The following KRABD3 variants were observed in gnomAD, a reference collection of about 807,000 sequenced individuals.
KRABD3 encodes the protein KRAB domain-containing protein 3.
the KRABD3 span, among the ~76,000 whole-genome samples, chr7:149,718,449 T>C: frequency 1.6e-4 from 25 of 152,136 alleles, no homozygotes; most frequent in African/African-American, 6.0e-4. Flanking sequence ...TAATTTTAAA[T>C]TCAAGCCTAT....
At chr7:149,720,413 C>G in the KRABD3 span, among the ~76,000 whole-genome samples, 1 of 152,220 alleles carries the variant, frequency 6.6e-6, no homozygotes, top group Non-Finnish European at 1.5e-5. Flanking sequence ...TGCTCCAGCT[C>G]CCAAAAGTCC....
the KRABD3 span, chr7:149,723,961 G>T: frequency 6.5e-7 from 1 of 1,533,924 alleles, no homozygotes; most frequent in Admixed American, 2.0e-5. Context: ...AGGGCTGTAG[G>T]TGGCCCCCAC....
At chr7:149,728,807 T>C in the KRABD3 span, 1 of 1,040,700 alleles carries the variant, frequency 9.6e-7, no homozygotes, top group South Asian at 1.7e-5. Context: ...CAGAGCCTTG[T>C]TGGAGGCCAG....
the KRABD3 span, chr7:149,720,838 G>A: frequency 1.3e-6 from 2 of 1,585,662 alleles, no homozygotes; most frequent in East Asian, 4.6e-5. Context: ...TCTGCAGGGG[G>A]ACAGCCCCGG....
At chr7:149,726,155 GC>G in the KRABD3 span, 1 of 1,144,958 alleles carries the variant, frequency 8.7e-7, no homozygotes, top group Non-Finnish European at 1.2e-6. Context: ...AGACCCCCAT[GC>G]CCGTGCTGGG....
the KRABD3 span, among the ~76,000 whole-genome samples, chr7:149,728,235 CGGT>C: frequency 4.6e-5 from 7 of 152,366 alleles, no homozygotes; most frequent in African/African-American, 1.7e-4. Flanking sequence ...TCATCCCTCA[CGGT>C]GGTGGCAGCT....
the KRABD3 span, chr7:149,728,690 C>A: frequency 6.2e-7 from 1 of 1,611,990 alleles, no homozygotes; most frequent in South Asian, 1.1e-5. Flanking sequence ...TAGTGGCTGC[C>A]GGGGCCCTGG....
the KRABD3 span, chr7:149,730,589 G>C: frequency 6.2e-7 from 1 of 1,606,614 alleles, no homozygotes; most frequent in Non-Finnish European, 8.5e-7. Flanking sequence ...GGTCTCCTGA[G>C]GGGGCGCCCA....
At chr7:149,731,376 C>G in the KRABD3 span, among the ~76,000 whole-genome samples, 3 of 152,240 alleles carry the variant, frequency 2.0e-5, no homozygotes, top group Non-Finnish European at 2.9e-5. Context: ...CCCAGCACGC[C>G]CTTGGAAGTC....
the KRABD3 span, among the ~76,000 whole-genome samples, chr7:149,716,097 G>T: frequency 6.6e-6 from 1 of 152,188 alleles, no homozygotes; most frequent in Non-Finnish European, 1.5e-5. Context: ...GTTCCCAGAA[G>T]CCCAGGGCAA....
At chr7:149,722,437 C>G in the KRABD3 span, 13 of 1,606,948 alleles carry the variant, frequency 8.1e-6, no homozygotes, top group African/African-American at 1.3e-5. Flanking sequence ...GCCGACAAAC[C>G]GTGGCCTACA....
the KRABD3 span, among the ~76,000 whole-genome samples, chr7:149,731,996 A>G: frequency 2.0e-5 from 3 of 152,220 alleles, no homozygotes; most frequent in East Asian, 5.8e-4. Context: ...TGAGAAGTGA[A>G]GGATCAAAGT....
At chr7:149,722,599 T>C in the KRABD3 span, 1 of 1,579,160 alleles carries the variant, frequency 6.3e-7, no homozygotes, top group Non-Finnish European at 8.7e-7. Flanking sequence ...GGGAAGTGTG[T>C]TTAGTTCACA....
the KRABD3 span, chr7:149,724,633 C>A: frequency 2.0e-6 from 3 of 1,499,032 alleles, no homozygotes; most frequent in Non-Finnish European, 1.8e-6. Context: ...TTGGGCTTCC[C>A]AATGGCCTCC....
the KRABD3 span, chr7:149,734,114 C>T: frequency 2.0e-6 from 3 of 1,513,062 alleles, no homozygotes; most frequent in Non-Finnish European, 2.7e-6. Flanking sequence ...GAAGCCCTGT[C>T]ACCCCACCCC....
the KRABD3 span, chr7:149,733,620 G>C: frequency 1.8e-5 from 28 of 1,593,748 alleles, no homozygotes; most frequent in African/African-American, 2.3e-4. Flanking sequence ...AAGATCCTGC[G>C]TGGCCAGGGA....
At chr7:149,726,437 A>AT in the KRABD3 span, among the ~76,000 whole-genome samples, 3,118 of 139,636 alleles carry the variant, frequency 0.022, 101 homozygotes, top group African/African-American at 0.064. Flanking sequence ...TCTATACAGA[A>AT]TTTTTTTTTT....
At chr7:149,733,232 C>T in the KRABD3 span, 3 of 1,608,062 alleles carry the variant, frequency 1.9e-6, no homozygotes, top group Non-Finnish European at 2.5e-6. Context: ...GCTGCTCCCC[C>T]AGGGCCCGCC....
At chr7:149,726,032 G>T in the KRABD3 span, 12 of 1,612,558 alleles carry the variant, frequency 7.4e-6, no homozygotes, top group Non-Finnish European at 1.0e-5. Flanking sequence ...GGAGTCCTGT[G>T]GGGAACCAGG....
Sources: gnomAD v4.1 joint callset for allele counts (sites outside exome capture counted in the v4.1 genomes callset) on GRCh38, gnomAD v4.1.1 for gene constraint, MANE v1.5 for transcripts, NCBI Gene and HGNC (gene_info 2026-07-23, HGNC 2026-07-21) for gene names.